WWOX: variants seen among roughly 807,000 people sequenced by gnomAD.
WWOX encodes WW domain-containing oxidoreductase.
In WWOX, 69 loss-of-function variants were observed where a neutral mutation model predicts 46.2. That is an observed-to-expected ratio of 1.49 (90% CI 1.23 to 1.82). WWOX has a LOEUF of 1.82. WWOX is among the 40% of genes most tolerant of loss of function. WWOX has a pLI of 0.00. For missense variants in WWOX, 919 were observed against 542.6 expected (o/e 1.69, Z -6.89); for synonymous variants, 359 against 202.6 (o/e 1.77, Z -6.56).
At chr16:78,831,996 C>G (rs954767042) in intron 8 of WWOX, among the ~76,000 whole-genome samples, 3 of 152,202 alleles carry the variant, frequency 2.0e-5, no homozygotes, top group African/African-American at 7.2e-5. Flanking sequence ...AACTCACTAC[C>G]TAGGTATCTG....
At chr16:78,519,986 T>C (rs1006327574) in intron 8 of WWOX, among the ~76,000 whole-genome samples, 10 of 152,396 alleles carry the variant, frequency 6.6e-5, no homozygotes, top group Admixed American at 3.9e-4. Flanking sequence ...CATGCTGTTC[T>C]GTATTGTAGT....
chr16:79,148,226 G>C (rs1353837905), intron 8 of WWOX, among the ~76,000 whole-genome samples: 1 of 152,066 alleles, frequency 6.6e-6, no homozygotes, highest in Non-Finnish European at 1.5e-5. Flanking sequence ...GTATGCCCAT[G>C]ATAAATTTTG....
intron 8 of WWOX, among the ~76,000 whole-genome samples, chr16:78,620,185 G>A (rs1257301795): frequency 6.6e-6 from 1 of 152,188 alleles, no homozygotes; most frequent in Non-Finnish European, 1.5e-5. Flanking sequence ...TTTGGTTTCT[G>A]AAATGAGAAA....
At chr16:78,704,119 A>C (rs2048283149) in intron 8 of WWOX, among the ~76,000 whole-genome samples, 1 of 151,924 alleles carries the variant, frequency 6.6e-6, no homozygotes, top group Non-Finnish European at 1.5e-5. Context: ...TCATGGTGGA[A>C]AGGGGCAGGC....
chr16:78,511,683 G>T (rs956266649), intron 8 of WWOX, among the ~76,000 whole-genome samples: 2 of 152,116 alleles, frequency 1.3e-5, no homozygotes, highest in African/African-American at 4.8e-5. Context: ...AGTACCCCCC[G>T]CCTAGGGTGC....
intron 5 of WWOX, among the ~76,000 whole-genome samples, chr16:78,180,458 A>C (rs1204930683): frequency 6.6e-6 from 1 of 152,090 alleles, no homozygotes; most frequent in Admixed American, 6.5e-5. Flanking sequence ...CTAGTGCGTA[A>C]ACCCAGCTGC....
intron 6 of WWOX, among the ~76,000 whole-genome samples, chr16:78,389,689 C>T (rs1027012523): frequency 6.6e-6 from 1 of 151,906 alleles, no homozygotes; most frequent in Non-Finnish European, 1.5e-5. Context: ...GTAGAGGGGC[C>T]GATTTAGCCT....
chr16:78,619,108 C>T (rs1315592684), intron 8 of WWOX, among the ~76,000 whole-genome samples: 1 of 111,632 alleles, frequency 9.0e-6, no homozygotes, highest in Non-Finnish European at 1.8e-5. Flanking sequence ...CCAGCCTGGC[C>T]AACGTGGCAA....
intron 8 of WWOX, among the ~76,000 whole-genome samples, chr16:78,700,502 G>A (rs977326973): frequency 3.9e-5 from 6 of 152,140 alleles, no homozygotes; most frequent in Non-Finnish European, 1.5e-5. Context: ...AACATATTCA[G>A]TCCATAGCAT....
At chr16:79,158,617 C>G (rs143424447) in intron 8 of WWOX, among the ~76,000 whole-genome samples, 2 of 152,210 alleles carry the variant, frequency 1.3e-5, no homozygotes, top group Non-Finnish European at 2.9e-5. Context: ...CCTGCATTCC[C>G]GCCTCAGGGC....
At chr16:78,253,279 A>G (rs1478172386) in intron 5 of WWOX, among the ~76,000 whole-genome samples, 1 of 152,212 alleles carries the variant, frequency 6.6e-6, no homozygotes, top group Non-Finnish European at 1.5e-5. Context: ...TGAAGCCAGT[A>G]ATTTATTAAT....
chr16:78,630,116 A>C (rs2046393781), intron 8 of WWOX, among the ~76,000 whole-genome samples: 1 of 152,206 alleles, frequency 6.6e-6, no homozygotes, highest in African/African-American at 2.4e-5. Context: ...ACTGGCCCAG[A>C]GAGAGTCCTC....
chr16:78,847,115 C>A lies in WWOX; in HGVS notation c.1057-364493C>A, dbSNP rs114297520. Among the ~76,000 whole-genome samples the A allele has an allele frequency of 8.9e-3, 1,360 of 152,278 alleles. 23 individuals carry two copies. Among genetic ancestry groups the A allele is most frequent in the African/African-American group, 0.031 (1,299 of 41,552 alleles). The stretch of plus-strand genomic sequence containing the variant: ...GGCTTTACACTGTCATCTTGGACTT[C>A]CCTGCCTCAGTCTTGGAATTAACTC... On this transcript the variant is annotated intron_variant, in intron 8 of 8. Coordinates refer to ENST00000566780, the MANE Select transcript of WWOX (RefSeq NM_016373.4).
intron 8 of WWOX, among the ~76,000 whole-genome samples, chr16:79,026,350 C>G (rs538926767): frequency 6.6e-5 from 10 of 151,838 alleles, no homozygotes; most frequent in African/African-American, 2.4e-4. Flanking sequence ...ATTAGGTTAT[C>G]AGATCTCAGC....
chr16:78,640,515 C>T (rs747253245), intron 8 of WWOX, among the ~76,000 whole-genome samples: 1 of 151,950 alleles, frequency 6.6e-6, no homozygotes, highest in Non-Finnish European at 1.5e-5. Context: ...GGTTTGCATC[C>T]GAAACAACCA....
At chr16:78,300,539 CCT>C (rs987371914) in intron 5 of WWOX, among the ~76,000 whole-genome samples, 10 of 151,784 alleles carry the variant, frequency 6.6e-5, no homozygotes, top group African/African-American at 2.2e-4. Flanking sequence ...TTCTCTTTCC[CCT>C]GTCTCCTTCT....
intron 8 of WWOX, among the ~76,000 whole-genome samples, chr16:79,083,512 G>A (rs138987447): frequency 2.6e-4 from 40 of 152,254 alleles, no homozygotes; most frequent in African/African-American, 9.1e-4. Context: ...TATCTCACCT[G>A]ACACAAACGT....
intron 8 of WWOX, among the ~76,000 whole-genome samples, chr16:78,728,470 C>G (rs561972553): frequency 6.6e-6 from 1 of 152,314 alleles, no homozygotes; most frequent in South Asian, 2.1e-4. Flanking sequence ...CCCTAGAAGA[C>G]AGCCAGATTC....
intron 5 of WWOX, among the ~76,000 whole-genome samples, chr16:78,358,980 T>G (rs1361221899): frequency 6.6e-6 from 1 of 151,458 alleles, no homozygotes; most frequent in African/African-American, 2.4e-5. Flanking sequence ...ACTTAGTAAA[T>G]TAATCCCTTA....
Sources: gnomAD v4.1 joint callset for allele counts (sites outside exome capture counted in the v4.1 genomes callset) on GRCh38, gnomAD v4.1.1 for gene constraint, MANE v1.5 for transcripts, NCBI Gene and HGNC (gene_info 2026-07-23, HGNC 2026-07-21) for gene names.